OR8D1: variants seen among roughly 807,000 people sequenced by gnomAD.
OR8D1 encodes the protein olfactory receptor 8D1.
For missense variants in OR8D1, 384 were observed against 366.8 expected (o/e 1.05, Z -0.38); for synonymous variants, 143 against 147.0 (o/e 0.97, Z 0.20).
chr11:124,310,260 G>T lies in OR8D1; in HGVS notation c.507C>A (p.Cys169Ter). The part of the protein sequence containing the change: ...HTSAMMKLSF[C>*]KSHIINHYFC... ...AGTAATGGTTGATAATGTGGGATTT[G>T]CAAAAGGACAGTTTCATCATGGCAC... Residue 169 changes from cysteine (C) to a stop codon, truncating the protein, a stop_gained, in exon 3 of 3, where the codon TGC becomes TGA. Coordinates refer to ENST00000641015, the MANE Select transcript of OR8D1 (RefSeq NM_001002917.2). LOFTEE classifies it low-confidence loss of function (END_TRUNC). 1 of 1,613,910 alleles carries T rather than the reference G, an allele frequency of 6.2e-7. No individual in the cohort carries two copies. The highest frequency in any genetic ancestry group is 8.5e-7 in the Non-Finnish European group (1 of 1,179,946).
rs1157499275 is a variant in OR8D1, at chr11:124,305,125, C to G, written c.*4715G>C. ...AATCTGTTGAACAGATTTTCTTTTC[C>G]TCATTGATTTCCATCAGTGCGTATG... On this transcript the variant is annotated 3_prime_UTR_variant, in exon 3 of 3. Coordinates refer to ENST00000641015, the MANE Select transcript of OR8D1 (RefSeq NM_001002917.2). 1.3e-5 allele frequency: 2 copies of G among 151,738 alleles called. No homozygotes were observed. Among genetic ancestry groups the G allele is most frequent in the Admixed American group, 1.3e-4 (2 of 15,196 alleles). 9.4% of individuals were successfully genotyped at this position (151,738 alleles called of 1,614,324 possible).
At position 124,310,142 on chromosome 11, in the gene OR8D1, C is replaced by T. The variant is rs915735511; in HGVS notation, c.625G>A (p.Val209Met). Residue 209 changes from valine (V) to methionine (M), a missense_variant, in exon 3 of 3, where the codon GTG becomes ATG. By Grantham distance (21) the Val-to-Met change is conservative. Coordinates refer to ENST00000641015, the MANE Select transcript of OR8D1 (RefSeq NM_001002917.2). ...GAGACAGCAACAGCTAGGGTGGGCACCAAGGTGTTAAACCCCGCAATGATA... is the reference window on the plus strand; with the variant it reads ...GAGACAGCAACAGCTAGGGTGGGCATCAAGGTGTTAAACCCCGCAATGATA... ...LFIIAGFNTL[V>M]PTLAVAVSYA... The T allele has an allele frequency of 1.9e-6, 3 of 1,613,442 alleles. No homozygotes were observed. The highest frequency in any genetic ancestry group is 1.7e-5 in the Admixed American group (1 of 59,904).
intron 2 of OR8D1, among the ~76,000 whole-genome samples, chr11:124,311,163 C>A (rs1045111005): frequency 1.4e-4 from 22 of 152,150 alleles, no homozygotes; most frequent in African/African-American, 5.1e-4. Flanking sequence ...CAAAGGCCTG[C>A]ACATATTTCT....
rs961165753 is a variant in OR8D1, at chr11:124,306,672, C to T, written c.*3168G>A. ...GAATTTCCCAATTATAATTTTGAAT[C>T]TTCTGTATTTCTTGATTCTACTTTT... On this transcript the variant is annotated 3_prime_UTR_variant, in exon 3 of 3. Coordinates refer to ENST00000641015, the MANE Select transcript of OR8D1 (RefSeq NM_001002917.2). 7 of 151,708 alleles carry T rather than the reference C, an allele frequency of 4.6e-5. 1 individual carries two copies. The South Asian group carries it at 1.5e-3, about 31-fold the overall frequency. The allele number at this position is 151,708 out of a possible 1,614,324, so 9.4% of individuals were successfully genotyped here. A position where few individuals can be genotyped will look rare whatever the true frequency, so the allele number is the denominator to read the frequency against.
At chr11:124,312,249 C>T (rs1163363361) in intron 1 of OR8D1, among the ~76,000 whole-genome samples, 1 of 152,088 alleles carries the variant, frequency 6.6e-6, no homozygotes, top group Non-Finnish European at 1.5e-5. Flanking sequence ...GTTTCTTTGC[C>T]CTAGGTCCTT....
intron 1 of OR8D1, among the ~76,000 whole-genome samples, chr11:124,312,358 GTGTT>G (rs1213632930): frequency 6.6e-6 from 1 of 152,042 alleles, no homozygotes; most frequent in Non-Finnish European, 1.5e-5. Context: ...GGGATTTAAA[GTGTT>G]TGGCCTTTTT....
In OR8D1 at chr11:124,307,778, T is replaced by G. The variant is rs143980671; in HGVS notation, c.*2062A>C. The stretch of plus-strand genomic sequence containing the variant: ...TTGGTTATTTTCACAGTTTTCCAGC[T>G]TGTCCACATGCTTGAGGGTTAACTC... On this transcript the variant is annotated 3_prime_UTR_variant, in exon 3 of 3. Coordinates refer to ENST00000641015, the MANE Select transcript of OR8D1 (RefSeq NM_001002917.2). 1 of 152,146 alleles carries G rather than the reference T, an allele frequency of 6.6e-6. No homozygotes were observed. The highest frequency in any genetic ancestry group is 1.5e-5 in the Non-Finnish European group (1 of 68,016). 9.4% of individuals were successfully genotyped at this position (152,146 alleles called of 1,614,324 possible).
chr11:124,305,138 A>G lies in OR8D1; in HGVS notation c.*4702T>C, dbSNP rs1205405740. 2 of 151,886 alleles carry G rather than the reference A, an allele frequency of 1.3e-5. No individual in the cohort carries two copies. Among genetic ancestry groups the G allele is most frequent in the Non-Finnish European group, 2.9e-5 (2 of 67,870 alleles). The allele number at this position is 151,886 out of a possible 1,614,324, so 9.4% of individuals were successfully genotyped here. ...GATTTTCTTTTCCTCATTGATTTCCATCAGTGCGTATGCCTGAAAATAATA... is the reference window on the plus strand; with the variant it reads ...GATTTTCTTTTCCTCATTGATTTCCGTCAGTGCGTATGCCTGAAAATAATA... On this transcript the variant is annotated 3_prime_UTR_variant, in exon 3 of 3. Transcript: ENST00000641015.
intron 1 of OR8D1, among the ~76,000 whole-genome samples, chr11:124,312,821 A>G (rs1287961365): frequency 6.6e-6 from 1 of 151,878 alleles, no homozygotes; most frequent in Non-Finnish European, 1.5e-5. Context: ...AGAAGGTAGG[A>G]ATTTATGTTT....
Position 124,309,828 on chromosome 11 carries a change from C to A in OR8D1, c.*12G>T. 1 of 1,395,984 alleles carries A rather than the reference C, an allele frequency of 7.2e-7. No homozygotes were observed. Among genetic ancestry groups the A allele is most frequent in the South Asian group, 2.2e-5 (1 of 45,400 alleles). The allele number at this position is 1,395,984 out of a possible 1,614,324, so 86.5% of individuals were successfully genotyped here. The stretch of plus-strand genomic sequence containing the variant: ...TTCATTTTTCCCATCTATAAATCCC[C>A]CAAATCAGGACTCATTTTCCTACTA... On this transcript the variant is annotated 3_prime_UTR_variant, in exon 3 of 3. Transcript: ENST00000641015.
At chr11:124,310,848 A>C in intron 2 of OR8D1, 66 bp from the exon 3 acceptor site, 2 of 1,018,850 alleles carry the variant, frequency 2.0e-6, no homozygotes, top group Non-Finnish European at 2.9e-6. Context: ...ACAAAACCAA[A>C]TTGCATAAGG....
In OR8D1 at chr11:124,309,674, A is replaced by G; in HGVS notation, c.*166T>C. ...AGAATGTTAATACCTGCTTTACACA[A>G]TTCTTTTATTTTGTTGAGAAAGTTG... On this transcript the variant is annotated 3_prime_UTR_variant, in exon 3 of 3. Transcript: ENST00000641015. 2.5e-6 allele frequency: 1 copy of G among 408,046 alleles called. No individual in the cohort carries two copies. The highest frequency in any genetic ancestry group is 6.6e-4 in the Middle Eastern group (1 of 1,522). The allele number at this position is 408,046 out of a possible 1,614,324, so 25.3% of individuals were successfully genotyped here. A position where few individuals can be genotyped will look rare whatever the true frequency, so the allele number is the denominator to read the frequency against.
chr11:124,302,863 TAAGA>T lies in OR8D1; in HGVS notation c.*6973_*6976del, dbSNP rs2137786044. The T allele has an allele frequency of 6.6e-6, 1 of 152,244 alleles. No homozygotes were observed. Among genetic ancestry groups the T allele is most frequent in the Non-Finnish European group, 1.5e-5 (1 of 67,986 alleles). The allele number at this position is 152,244 out of a possible 1,614,324, so 9.4% of individuals were successfully genotyped here. Reference sequence around the variant, plus strand: ...TTATCTTACTCTCATAACGGTTTTATAAGAAAGGAAGAATTGGAGTAGTGTGATT... The same window carrying T: ...TTATCTTACTCTCATAACGGTTTTATAAGGAAGAATTGGAGTAGTGTGATT... On this transcript the variant is annotated 3_prime_UTR_variant, in exon 3 of 3. Coordinates refer to ENST00000641015, the MANE Select transcript of OR8D1 (RefSeq NM_001002917.2).
chr11:124,309,969 G>A lies in OR8D1; in HGVS notation c.798C>T (p.Asn266=), dbSNP rs1244759404. Residue 266 remains asparagine (N), a synonymous_variant, in exon 3 of 3, where the codon AAC becomes AAT. Coordinates refer to ENST00000641015, the MANE Select transcript of OR8D1 (RefSeq NM_001002917.2). ...TFMYFKPPSS[N]SLDQEKVSSV... is the part of the protein sequence containing the mutation. ...AGGACACCTTCTCCTGGTCCAGGGA[G>A]TTACTTGAAGGGGGCTTGAAATACA... 15 of 1,570,282 alleles carry A rather than the reference G, an allele frequency of 9.6e-6. No individual in the cohort carries two copies. Among genetic ancestry groups the A allele is most frequent in the Non-Finnish European group, 1.2e-5 (14 of 1,160,016 alleles).
Position 124,306,532 on chromosome 11 carries a change from C to A in OR8D1, c.*3308G>T, listed in dbSNP as rs1862370359. 6.6e-6 allele frequency: 1 copy of A among 151,596 alleles called. No homozygotes were observed. The highest frequency in any genetic ancestry group is 2.4e-5 in the African/African-American group (1 of 41,334). The allele number at this position is 151,596 out of a possible 1,614,324, so 9.4% of individuals were successfully genotyped here. A position where few individuals can be genotyped will look rare whatever the true frequency, so the allele number is the denominator to read the frequency against. On this transcript the variant is annotated 3_prime_UTR_variant, in exon 3 of 3. Coordinates refer to ENST00000641015, the MANE Select transcript of OR8D1 (RefSeq NM_001002917.2). ...GGTCAGCTAAAATTCTTTTTCTCTT[C>A]TCCATTGTCCTTATTTTCCCTTCTG...
At position 124,308,493 on chromosome 11, in the gene OR8D1, T is replaced by G. The variant is rs2510434; in HGVS notation, c.*1347A>C. ...GGTGAGCAAGGCCACGGTAAATGTT[T>G]AGGACCTGGTTCAACAAACTGATAG... On this transcript the variant is annotated 3_prime_UTR_variant, in exon 3 of 3. Transcript: ENST00000641015. The G allele has an allele frequency of 0.15, 22,504 of 151,974 alleles. 1,766 individuals carry two copies. The highest frequency in any genetic ancestry group is 0.3 in the South Asian group (1,467 of 4,814). The allele number at this position is 151,974 out of a possible 1,614,324, so 9.4% of individuals were successfully genotyped here.
rs1862388431 is a variant in OR8D1, at chr11:124,308,776, CT to C, written c.*1063del. On this transcript the variant is annotated 3_prime_UTR_variant, in exon 3 of 3. Transcript: ENST00000641015. ...TGTGATATAGAGTGAAGAAAACTAA[CT>C]TGATATGGAAGTTAAAATGCTAGAA... The C allele has an allele frequency of 6.6e-6, 1 of 151,992 alleles. No individual in the cohort carries two copies. The allele number at this position is 151,992 out of a possible 1,614,324, so 9.4% of individuals were successfully genotyped here. A position where few individuals can be genotyped will look rare whatever the true frequency, so the allele number is the denominator to read the frequency against.
chr11:124,305,647 A>G lies in OR8D1; in HGVS notation c.*4193T>C, dbSNP rs1449696161. ...AACATCATTAGCAATTTAAAGAGCT[A>G]TACTCTTGGTGCATTTTCTGTGTAT... On this transcript the variant is annotated 3_prime_UTR_variant, in exon 3 of 3. Coordinates refer to ENST00000641015, the MANE Select transcript of OR8D1 (RefSeq NM_001002917.2). The G allele has an allele frequency of 6.6e-6, 1 of 151,820 alleles. No individual in the cohort carries two copies. The highest frequency in any genetic ancestry group is 1.9e-4 in the East Asian group (1 of 5,180). 9.4% of individuals were successfully genotyped at this position (151,820 alleles called of 1,614,324 possible). A position where few individuals can be genotyped will look rare whatever the true frequency, so the allele number is the denominator to read the frequency against.
rs1046163999 is a variant in OR8D1, at chr11:124,305,746, T to G, written c.*4094A>C. 6.6e-6 allele frequency: 1 copy of G among 151,894 alleles called. No homozygotes were observed. The highest frequency in any genetic ancestry group is 2.4e-5 in the African/African-American group (1 of 41,414). The allele number at this position is 151,894 out of a possible 1,614,324, so 9.4% of individuals were successfully genotyped here. On this transcript the variant is annotated 3_prime_UTR_variant, in exon 3 of 3. Coordinates refer to ENST00000641015, the MANE Select transcript of OR8D1 (RefSeq NM_001002917.2). Reference sequence around the variant, plus strand: ...GATTGGAGTAGAAGATAAAGCCCTTTGAATCCCCTGTATTCAACACAGACA... The same window carrying G: ...GATTGGAGTAGAAGATAAAGCCCTTGGAATCCCCTGTATTCAACACAGACA...
Sources: allele counts gnomAD v4.1 joint callset (sites outside exome capture counted in the v4.1 genomes callset), GRCh38; gene constraint gnomAD v4.1.1; transcripts MANE v1.5; gene names NCBI Gene and HGNC (gene_info 2026-07-23, HGNC 2026-07-21).